DDX10: variants seen among roughly 807,000 people sequenced by gnomAD.
DDX10 encodes the protein DEAD-box helicase 10.
In DDX10, 74 loss-of-function variants were observed where a neutral mutation model predicts 104.3. The ratio of observed to expected loss-of-function variants is 0.71; its 90% confidence interval spans 0.59 to 0.86. The LOEUF is 0.86. Ranked by LOEUF, DDX10 falls within the 40% of genes least tolerant of loss-of-function variation. DDX10 has a pLI of 0.00. For missense variants in DDX10, 952 were observed against 1,040.0 expected, an observed-to-expected ratio of 0.92 and a Z score of 1.16; for synonymous variants, 351 against 353.4, an observed-to-expected ratio of 0.99 and a Z score of 0.08.
At chr11:108,930,582 G>A (rs1335748727) in intron 17 of DDX10, among the ~76,000 whole-genome samples, 3 of 152,170 alleles carry the variant, frequency 2.0e-5, no homozygotes, top group Non-Finnish European at 4.4e-5. Flanking sequence ...ACTCTCTTCC[G>A]AAGTGGCTGT....
intron 17 of DDX10, among the ~76,000 whole-genome samples, chr11:108,937,024 C>T (rs920800167): frequency 4.6e-5 from 7 of 152,096 alleles, no homozygotes; most frequent in East Asian, 3.8e-4. Context: ...AGATAATTGG[C>T]GCTTTTCCAA....
At chr11:108,729,052 A>G (rs2094308788) in intron 13 of DDX10, among the ~76,000 whole-genome samples, 1 of 152,162 alleles carries the variant, frequency 6.6e-6, no homozygotes, top group African/African-American at 2.4e-5. Context: ...TCACCAGCAT[A>G]ACATGGAACT....
chr11:108,694,119 C>G (rs1318403576), intron 9 of DDX10, among the ~76,000 whole-genome samples: 2 of 152,164 alleles, frequency 1.3e-5, no homozygotes, highest in East Asian at 3.8e-4. Flanking sequence ...TCAGGCTACT[C>G]AGAAGGGTGA....
intron 13 of DDX10, among the ~76,000 whole-genome samples, chr11:108,727,967 A>G (rs940981644): frequency 6.6e-6 from 1 of 152,174 alleles, no homozygotes; most frequent in African/African-American, 2.4e-5. Context: ...AAGATGAGTG[A>G]AAACATGATC....
chr11:108,707,917 C>T (rs1243681357), intron 10 of DDX10, among the ~76,000 whole-genome samples: 1 of 152,144 alleles, frequency 6.6e-6, no homozygotes, highest in Non-Finnish European at 1.5e-5. Context: ...TGCTTCCAAG[C>T]TTTGGCAGTT....
intron 13 of DDX10, among the ~76,000 whole-genome samples, chr11:108,803,661 A>G (rs1049986476): frequency 1.3e-5 from 2 of 151,864 alleles, no homozygotes; most frequent in Non-Finnish European, 2.9e-5. Context: ...TCTCTGAGAC[A>G]TACATATGTA....
In DDX10 at chr11:108,940,427, C is replaced by T. The variant is rs755179474; in HGVS notation, c.*4C>T. 9.4e-5 allele frequency: 152 copies of T among 1,610,634 alleles called. No homozygotes were observed. The highest frequency in any genetic ancestry group is 1.3e-4 in the Non-Finnish European group (148 of 1,178,706). On this transcript the variant is annotated 3_prime_UTR_variant, in exon 18 of 18. Coordinates refer to ENST00000322536, the MANE Select transcript of DDX10 (RefSeq NM_004398.4). ...TCTGCTAAGAAGTCAAAGCTAAATA[C>T]TTCCTGCGCCTGCCTTCTCCTTGAA... is the stretch of plus-strand genomic sequence containing the variant.
chr11:108,831,633 G>T (rs1462276401), intron 13 of DDX10, among the ~76,000 whole-genome samples: 5 of 151,916 alleles, frequency 3.3e-5, no homozygotes, highest in Non-Finnish European at 7.4e-5. Context: ...GATTTCTTTG[G>T]ACTGTCTTTA....
chr11:108,837,025 C>A (rs1014028984), intron 13 of DDX10, among the ~76,000 whole-genome samples: 1 of 152,118 alleles, frequency 6.6e-6, no homozygotes, highest in Non-Finnish European at 1.5e-5. Flanking sequence ...AGACTGCAGT[C>A]GGGTATTTTG....
chr11:108,940,537 G>T lies in DDX10; in HGVS notation c.*114G>T, dbSNP rs553839296. ...GTACCATATGCCCCATTCCCAAAGG[G>T]CACATTTCTGGATAGAAGCGATCGT... On this transcript the variant is annotated 3_prime_UTR_variant, in exon 18 of 18. Coordinates refer to ENST00000322536, the MANE Select transcript of DDX10 (RefSeq NM_004398.4). 5 of 1,027,542 alleles carry T rather than the reference G, an allele frequency of 4.9e-6. No individual in the cohort carries two copies. The South Asian group carries it at 6.7e-5, about 14-fold the overall frequency. 63.7% of individuals were successfully genotyped at this position (1,027,542 alleles called of 1,614,324 possible). A position where few individuals can be genotyped will look rare whatever the true frequency, so the allele number is the denominator to read the frequency against.
At chr11:108,702,692 C>G (rs530486480) in intron 9 of DDX10, among the ~76,000 whole-genome samples, 1 of 152,280 alleles carries the variant, frequency 6.6e-6, no homozygotes, top group South Asian at 2.1e-4. Context: ...ACTAGAAATA[C>G]TAGTGAGCTG....
intron 16 of DDX10, among the ~76,000 whole-genome samples, chr11:108,908,707 A>G (rs929358393): frequency 1.3e-5 from 2 of 152,116 alleles, no homozygotes; most frequent in Non-Finnish European, 2.9e-5. Flanking sequence ...TGTCCCATTT[A>G]TATTTGGTGT....
intron 15 of DDX10, among the ~76,000 whole-genome samples, chr11:108,841,784 A>G (rs1228459318): frequency 6.6e-6 from 1 of 152,188 alleles, no homozygotes; most frequent in African/African-American, 2.4e-5. Flanking sequence ...TGTAGTTGAT[A>G]GAGATATCCC....
chr11:108,714,031 C>A (rs548662412), intron 10 of DDX10, among the ~76,000 whole-genome samples: 10 of 152,310 alleles, frequency 6.6e-5, no homozygotes, highest in African/African-American at 2.2e-4. Flanking sequence ...TAACAAGGCC[C>A]ACCCTCAGGA....
At chr11:108,722,893 T>G in intron 12 of DDX10, 104 bp from the exon 13 acceptor site, 1 of 1,443,312 alleles carries the variant, frequency 6.9e-7, no homozygotes, top group Admixed American at 2.9e-5. Flanking sequence ...ACATTTTCTT[T>G]AAAAAAGCTC....
chr11:108,745,294 C>T (rs1171368972), intron 13 of DDX10, among the ~76,000 whole-genome samples: 1 of 149,756 alleles, frequency 6.7e-6, no homozygotes, highest in East Asian at 2.0e-4. Context: ...ACTCTGTCAC[C>T]CAGGCTGGAG....
intron 13 of DDX10, among the ~76,000 whole-genome samples, chr11:108,813,757 G>A (rs1191197824): frequency 6.6e-6 from 1 of 152,132 alleles, no homozygotes; most frequent in Non-Finnish European, 1.5e-5. Context: ...AAGATGTGAA[G>A]TGTGGATCCA....
chr11:108,743,398 T>C (rs2094327663), intron 13 of DDX10, among the ~76,000 whole-genome samples: 1 of 152,138 alleles, frequency 6.6e-6, no homozygotes, highest in Non-Finnish European at 1.5e-5. Flanking sequence ...GAGCAAGCTA[T>C]GAAAAACCCA....
intron 16 of DDX10, among the ~76,000 whole-genome samples, chr11:108,865,896 G>A (rs1237245662): frequency 3.9e-5 from 6 of 152,090 alleles, no homozygotes; most frequent in African/African-American, 1.4e-4. Flanking sequence ...AGTTTTGGGA[G>A]TTGTCTACAT....
Sources: allele counts gnomAD v4.1 joint callset (sites outside exome capture counted in the v4.1 genomes callset), GRCh38; gene constraint gnomAD v4.1.1; transcripts MANE v1.5; gene names NCBI Gene and HGNC (gene_info 2026-07-23, HGNC 2026-07-21).